The following FBLN7 variants were observed in gnomAD, a reference collection of about 807,000 sequenced individuals.
FBLN7 encodes the protein fibulin-7.
FBLN7 carries 31 observed loss-of-function variants against 44.0 expected under a neutral mutation model. That is an observed-to-expected ratio of 0.70 (90% CI 0.53 to 0.95). The LOEUF is 0.95. Among genes scored for constraint, FBLN7 ranks in the 40% least tolerant of loss-of-function variants. The pLI is 0.00. For synonymous variants in FBLN7, 262 were observed against 253.4 expected (o/e 1.03, Z -0.32); for missense variants, 573 against 618.5 (o/e 0.93, Z 0.78).
the FBLN7 span, among the ~76,000 whole-genome samples, chr2:112,218,414 G>A: frequency 6.6e-6 from 1 of 152,090 alleles, no homozygotes; most frequent in East Asian, 1.9e-4. Context: ...TTAAGGTATA[G>A]CATATTTTAT....
At chr2:112,168,431 A>T (rs959187731) in intron 3 of FBLN7, among the ~76,000 whole-genome samples, 1 of 152,236 alleles carries the variant, frequency 6.6e-6, no homozygotes, top group Non-Finnish European at 1.5e-5. Flanking sequence ...TTGAACAAAA[A>T]TACTCATGTG....
chr2:112,149,520 A>G (rs925015892), intron 1 of FBLN7, among the ~76,000 whole-genome samples: 19 of 152,254 alleles, frequency 1.2e-4, no homozygotes, highest in African/African-American at 4.6e-4. Flanking sequence ...CAGCGGTGCC[A>G]GGATCAGGGT....
At chr2:112,160,559 A>G (rs972738689) in intron 2 of FBLN7, among the ~76,000 whole-genome samples, 4 of 152,180 alleles carry the variant, frequency 2.6e-5, no homozygotes, top group Admixed American at 1.3e-4. Context: ...TTACTTTAAG[A>G]TAATTTTTTA....
intron 4 of FBLN7, 113 bp from the exon 5 acceptor site, chr2:112,181,625 GC>G: frequency 8.1e-7 from 1 of 1,232,162 alleles, no homozygotes; most frequent in East Asian, 3.2e-5. Flanking sequence ...TCCAGAGTAA[GC>G]CCTTTGAGAA....
At chr2:112,149,962 G>A (rs779269544) in intron 1 of FBLN7, among the ~76,000 whole-genome samples, 3 of 152,206 alleles carry the variant, frequency 2.0e-5, no homozygotes, top group Non-Finnish European at 4.4e-5. Context: ...CTCAGCGTGG[G>A]GCTGGGTGCC....
At chr2:112,197,817 T>C in the FBLN7 span, among the ~76,000 whole-genome samples, 2 of 152,212 alleles carry the variant, frequency 1.3e-5, no homozygotes, top group Non-Finnish European at 2.9e-5. Context: ...GGCAGAGTCA[T>C]ACTGGGACAT....
chr2:112,181,701 C>T (rs371149020), intron 4 of FBLN7, 38 bp from the exon 5 acceptor site: 16 of 1,351,524 alleles, frequency 1.2e-5, no homozygotes, highest in Non-Finnish European at 1.4e-5. Context: ...ACGGCAGGTG[C>T]GCCAGGGCCC....
chr2:112,223,370 CACAA>C, the FBLN7 span, among the ~76,000 whole-genome samples: 13 of 151,892 alleles, frequency 8.6e-5, no homozygotes, highest in East Asian at 3.9e-4. Context: ...TCTAGAAACA[CACAA>C]ACAATCCTCA....
intron 1 of FBLN7, among the ~76,000 whole-genome samples, chr2:112,149,995 A>G (rs542236573): frequency 6.6e-6 from 1 of 152,266 alleles, no homozygotes; most frequent in South Asian, 2.1e-4. Flanking sequence ...TTGAGACATG[A>G]CAGTTGTTCA....
At chr2:112,175,614 C>T (rs565069997) in intron 3 of FBLN7, 100 bp from the exon 4 acceptor site, 3 of 1,465,338 alleles carry the variant, frequency 2.0e-6, no homozygotes, top group Admixed American at 3.6e-5. Context: ...GGGAGTTCTC[C>T]TACAATGTAA....
the FBLN7 span, chr2:112,214,372 T>C: frequency 1.3e-5 from 2 of 152,208 alleles, no homozygotes; most frequent in Non-Finnish European, 2.9e-5. Flanking sequence ...ATAAATTCAA[T>C]AGAGCCATGA....
At chr2:112,160,728 G>GCA (rs1558879852) in intron 2 of FBLN7, among the ~76,000 whole-genome samples, 1 of 114,608 alleles carries the variant, frequency 8.7e-6, no homozygotes, top group South Asian at 2.9e-4. Context: ...ACGCGCACAC[G>GCA]CACGCACACG....
chr2:112,191,057 A>C (rs1262629957), downstream of FBLN7, among the ~76,000 whole-genome samples: 1 of 152,166 alleles, frequency 6.6e-6, no homozygotes, highest in Non-Finnish European at 1.5e-5. Flanking sequence ...AGCTCACTGC[A>C]ACCTCAAATT....
chr2:112,144,496 CTTTTGT>C (rs796781574), intron 1 of FBLN7, among the ~76,000 whole-genome samples: 3 of 147,294 alleles, frequency 2.0e-5, no homozygotes, highest in East Asian at 2.0e-4. Context: ...TTTGTTTTTG[CTTTTGT>C]TTTTGTTTTT....
At position 112,159,821 on chromosome 2, in the gene FBLN7, C is replaced by A. The variant is rs758061934; in HGVS notation, c.221C>A (p.Pro74Gln). The A allele has an allele frequency of 2.2e-5, 34 of 1,558,186 alleles. No homozygotes were observed. The highest frequency in any genetic ancestry group is 7.8e-5 in the Admixed American group (4 of 51,088). Residue 74 changes from proline to glutamine, a missense_variant, in exon 2 of 8, where the codon CCA (proline) becomes CAA (glutamine). By Grantham distance (76) the Pro-to-Gln change is moderately conservative (BLOSUM62 -1). Coordinates refer to ENST00000331203, the MANE Select transcript of FBLN7 (RefSeq NM_153214.3). The stretch of plus-strand genomic sequence containing the variant: ...CAGAACTCTGTGGGCAGGGTGGGCC[C>A]AGATGCCCTTCCAGGTGGGTCCCCA... ...ALQNSVGRVG[P>Q]DALPVSCPAL...
the FBLN7 span, among the ~76,000 whole-genome samples, chr2:112,226,620 G>A: frequency 7.0e-6 from 1 of 142,508 alleles, no homozygotes; most frequent in African/African-American, 2.6e-5. Context: ...AGGCCCAGTT[G>A]TCTTACTGGT....
At chr2:112,155,027 C>T (rs571870045) in intron 1 of FBLN7, among the ~76,000 whole-genome samples, 10 of 152,296 alleles carry the variant, frequency 6.6e-5, no homozygotes, top group African/African-American at 1.7e-4. Context: ...TGAAACCCAA[C>T]GAAAAGTTAA....
chr2:112,212,180 G>A, the FBLN7 span: 1 of 152,192 alleles, frequency 6.6e-6, no homozygotes, highest in Admixed American at 6.5e-5. Context: ...CTCACATGGT[G>A]GAAAAGGGAG....
intron 2 of FBLN7, among the ~76,000 whole-genome samples, chr2:112,161,820 G>A (rs1681886671): frequency 6.6e-6 from 1 of 152,134 alleles, no homozygotes; most frequent in Admixed American, 6.5e-5. Flanking sequence ...TTAAAAAATC[G>A]CCATCATGTA....
Sources: allele counts gnomAD v4.1 joint callset (sites outside exome capture counted in the v4.1 genomes callset), GRCh38; gene constraint gnomAD v4.1.1; transcripts MANE v1.5; gene names NCBI Gene and HGNC (gene_info 2026-07-23, HGNC 2026-07-21).